RNF135: variants seen among roughly 807,000 people sequenced by gnomAD.
RNF135 encodes the protein ring finger protein 135, also known as E3 ubiquitin-protein ligase RNF135.
RNF135 carries 46 observed loss-of-function variants against 41.9 expected under a neutral mutation model. That is an observed-to-expected ratio of 1.10 (90% confidence interval 0.87 to 1.40). The LOEUF (loss-of-function observed/expected upper bound fraction) is 1.40. Among genes scored for constraint, RNF135 ranks in the 40% most tolerant of loss-of-function variants. The pLI, the probability that RNF135 is intolerant of heterozygous loss-of-function variation, is 0.00. For missense variants in RNF135, 539 were observed against 549.8 expected, an observed-to-expected ratio of 0.98 and a Z score of 0.20; for synonymous variants, 238 against 223.8, an observed-to-expected ratio of 1.06 and a Z score of -0.57.
At chr17:30,969,416 G>A (rs1048682267), upstream of RNF135, 2 of 152,218 alleles carry the variant, frequency 1.3e-5, no homozygotes, top group African/African-American at 4.8e-5. Flanking sequence ...ATACATCCTA[G>A]TTTTCTTCTC....
In RNF135 at chr17:30,971,370, C is replaced by T; in HGVS notation, c.297C>T (p.Ala99=). Residue 99 remains alanine (A), a synonymous_variant, in exon 1 of 5, where the codon GCC becomes GCT. Transcript: ENST00000328381. ...AREIQAGSDP[A]HCPCPGSSSL... is the part of the protein sequence containing the mutation. ...AGATACAGGCGGGCTCCGACCCTGC[C>T]CACTGCCCCTGCCCGGGCTCCAGTT... is the stretch of plus-strand genomic sequence containing the variant. 9 of 1,528,720 alleles carry T rather than the reference C, an allele frequency of 5.9e-6. No homozygotes were observed. Among genetic ancestry groups the T allele is most frequent in the Non-Finnish European group, 7.9e-6 (9 of 1,142,810 alleles). The allele number at this position is 1,528,720 out of a possible 1,614,324, so 94.7% of individuals were successfully genotyped here.
At chr17:30,971,607 C>T in intron 1 of RNF135, 162 bp downstream of exon 1, 1 of 1,352,972 alleles carries the variant, frequency 7.4e-7, no homozygotes, top group Non-Finnish European at 9.4e-7. Flanking sequence ...TTGGAAAGTT[C>T]ATAAAAGTAT....
chr17:30,971,059 G>A lies in RNF135; in HGVS notation c.-15G>A, dbSNP rs993576702. ...GGCTCAACCCCGACGTCCGCGCCCC[G>A]GCCGCCTGTTGGCCATGGCGGGCCT... is the stretch of plus-strand genomic sequence containing the variant. On this transcript the variant is annotated 5_prime_UTR_variant, in exon 1 of 5. Coordinates refer to ENST00000328381, the MANE Select transcript of RNF135 (RefSeq NM_032322.4). 10 of 1,533,878 alleles carry A rather than the reference G, an allele frequency of 6.5e-6. No homozygotes were observed. Among genetic ancestry groups the A allele is most frequent in the African/African-American group, 2.7e-5 (2 of 73,066 alleles).
chr17:30,963,362 C>T, the RNF135 span, among the ~76,000 whole-genome samples: 1 of 151,818 alleles, frequency 6.6e-6, no homozygotes, highest in Non-Finnish European at 1.5e-5. Flanking sequence ...GTGGGCAGAT[C>T]ACGACGTCAG....
chr17:30,975,322 C>T lies in RNF135; in HGVS notation c.372+3877C>T, dbSNP rs1906347085. The T allele has an allele frequency of 1.6e-5, 11 of 667,946 alleles. No homozygotes were observed. The South Asian group carries it at 1.8e-4, about 11-fold the overall frequency. 41.4% of individuals were successfully genotyped at this position (667,946 alleles called of 1,614,324 possible). ...TGGGCAACAGAGCAACATCCTGTTT[C>T]CCCTTAAAAAAATATTGCTACTTAT... On this transcript the variant is annotated intron_variant, in intron 1 of 4. Coordinates refer to ENST00000328381, the MANE Select transcript of RNF135 (RefSeq NM_032322.4).
At chr17:30,980,347 ACCTC>A (rs1906999470) in intron 1 of RNF135, 1 of 112,398 alleles carries the variant, frequency 8.9e-6, no homozygotes, top group Non-Finnish European at 1.8e-5. Flanking sequence ...TGAGCCCCCC[ACCTC>A]CCTCCCGGAC....
At chr17:30,995,215 G>A (rs981466832) in intron 3 of RNF135, among the ~76,000 whole-genome samples, 2 of 151,930 alleles carry the variant, frequency 1.3e-5, no homozygotes, top group Non-Finnish European at 1.5e-5. Context: ...GTGAAACCCC[G>A]TCTCTACTAA....
upstream of RNF135, among the ~76,000 whole-genome samples, chr17:30,970,002 C>T (rs1024330191): frequency 4.0e-5 from 6 of 151,882 alleles, no homozygotes; most frequent in Non-Finnish European, 8.8e-5. Context: ...GTCTTGAACT[C>T]CTGACTTCAA....
upstream of RNF135, among the ~76,000 whole-genome samples, chr17:30,966,483 C>T (rs189976445): frequency 7.0e-6 from 1 of 143,298 alleles, no homozygotes; most frequent in African/African-American, 2.7e-5. Context: ...ACTTTTGTAA[C>T]ACAAGTGTTT....
At chr17:30,969,750 CTTTTTTTTCTTTTTTT>C (rs1905729801), upstream of RNF135, among the ~76,000 whole-genome samples, 2 of 141,890 alleles carry the variant, frequency 1.4e-5, no homozygotes, top group Admixed American at 1.4e-4. Flanking sequence ...TCTTTTCTTT[CTTTTTTTTCTTTTTTT>C]TTTTTTTTTT....
chr17:30,983,321 A>G (rs1453524233), intron 1 of RNF135, among the ~76,000 whole-genome samples: 1 of 29,242 alleles, frequency 3.4e-5, no homozygotes, highest in Non-Finnish European at 7.6e-5. Flanking sequence ...ATATATGTAC[A>G]TATATATATA....
Position 30,971,369 on chromosome 17 carries a change from C to T in RNF135, c.296C>T (p.Ala99Val), listed in dbSNP as rs1386488227. 6 of 1,528,284 alleles carry T rather than the reference C, an allele frequency of 3.9e-6. No individual in the cohort carries two copies. Among genetic ancestry groups the T allele is most frequent in the African/African-American group, 1.4e-5 (1 of 70,326 alleles). 94.7% of individuals were successfully genotyped at this position (1,528,284 alleles called of 1,614,324 possible). A position where few individuals can be genotyped will look rare whatever the true frequency, so the allele number is the denominator to read the frequency against. ...AREIQAGSDP[A>V]HCPCPGSSSL... Reference sequence around the variant, plus strand: ...GAGATACAGGCGGGCTCCGACCCTGCCCACTGCCCCTGCCCGGGCTCCAGT... The same window carrying T: ...GAGATACAGGCGGGCTCCGACCCTGTCCACTGCCCCTGCCCGGGCTCCAGT... The change falls in exon 1 of 5, where the codon GCC becomes GTC. Residue 99 changes from alanine to valine, a missense_variant. Ala to Val is a moderately conservative substitution (Grantham distance 64). Around this residue, in one of 2 missense-constraint regions of RNF135, gnomAD observed 277 missense variants for 212.8 expected, o/e 1.30. Coordinates refer to ENST00000328381, the MANE Select transcript of RNF135 (RefSeq NM_032322.4).
intron 3 of RNF135, among the ~76,000 whole-genome samples, chr17:30,992,608 G>C (rs906093816): frequency 6.6e-6 from 1 of 151,892 alleles, no homozygotes; most frequent in Non-Finnish European, 1.5e-5. Context: ...TGGGACTGCA[G>C]GTGCGTGTCA....
At chr17:30,997,963 A>ACAAAT (rs1908477773) in intron 4 of RNF135, among the ~76,000 whole-genome samples, 1 of 152,248 alleles carries the variant, frequency 6.6e-6, no homozygotes, top group Non-Finnish European at 1.5e-5. Context: ...CAAAGTGAGT[A>ACAAAT]AGACATGGTC....
chr17:30,998,787 A>G lies in RNF135; in HGVS notation c.895A>G (p.Thr299Ala). ...PYRWSCERFS[T>A]SQVLCSQALS... ...TCGCTGGAGCTGTGAGAGGTTTTCT[A>G]CCAGCCAGGTCTTATGTTCCCAGGC... is the stretch of plus-strand genomic sequence containing the variant. The change falls in exon 5 of 5, where the codon ACC becomes GCC. Residue 299 changes from threonine (T) to alanine (A), a missense_variant. By Grantham distance (58) the Thr-to-Ala change is moderately conservative. Transcript: ENST00000328381. The G allele has an allele frequency of 2.5e-6, 4 of 1,613,138 alleles. No individual in the cohort carries two copies. Among genetic ancestry groups the G allele is most frequent in the Non-Finnish European group, 3.4e-6 (4 of 1,179,714 alleles).
intron 3 of RNF135, among the ~76,000 whole-genome samples, chr17:30,989,368 C>T (rs1180049042): frequency 1.3e-5 from 2 of 151,982 alleles, no homozygotes; most frequent in African/African-American, 2.4e-5. Flanking sequence ...ACAAACAAAA[C>T]CAGCATGCCA....
chr17:30,986,515 C>T (rs1907602485), intron 2 of RNF135, among the ~76,000 whole-genome samples: 1 of 152,144 alleles, frequency 6.6e-6, no homozygotes. Flanking sequence ...TTCTTTTGTC[C>T]ACCATTGTGT....
chr17:30,971,627 G>T, intron 1 of RNF135, 182 bp downstream of exon 1: 1 of 1,352,706 alleles, frequency 7.4e-7, no homozygotes, highest in Non-Finnish European at 9.4e-7. Flanking sequence ...TGAAGAAGTA[G>T]AAAAAAACAA....
At chr17:30,994,554 C>T (rs1908210193) in intron 3 of RNF135, among the ~76,000 whole-genome samples, 1 of 152,032 alleles carries the variant, frequency 6.6e-6, no homozygotes, top group Non-Finnish European at 1.5e-5. Context: ...AGTAGCAGCT[C>T]AGAGCTCAGT....
Sources: allele counts gnomAD v4.1 joint callset (sites outside exome capture counted in the v4.1 genomes callset), GRCh38; gene constraint gnomAD v4.1.1; regional missense constraint gnomAD v4.1.1; transcripts MANE v1.5; gene names NCBI Gene and HGNC (gene_info 2026-07-23, HGNC 2026-07-21).